The following PDGFD variants were observed in gnomAD, a reference collection of about 807,000 sequenced individuals.
PDGFD encodes the protein platelet derived growth factor D, also known as platelet-derived growth factor D.
In PDGFD, 30 loss-of-function variants were observed where a neutral mutation model predicts 44.7. That is an observed-to-expected ratio of 0.67 (90% CI 0.50 to 0.91). The LOEUF is 0.91. Ranked by LOEUF, PDGFD falls within the 40% of genes least tolerant of loss-of-function variation. The pLI is 0.00. For synonymous variants in PDGFD, 173 were observed against 168.4 expected (o/e 1.03, Z -0.21); for missense variants, 445 against 457.8 (o/e 0.97, Z 0.25).
chr11:104,130,839 C>T (rs1426342210), intron 1 of PDGFD, among the ~76,000 whole-genome samples: 3 of 152,154 alleles, frequency 2.0e-5, no homozygotes, highest in Non-Finnish European at 4.4e-5. Context: ...TTCTAACCTT[C>T]TGATACTTTT....
chr11:104,053,575 CTATT>C lies in PDGFD; in HGVS notation c.125-53324_125-53321del, dbSNP rs374371832. Among the ~76,000 whole-genome samples the C allele has an allele frequency of 4.6e-3, 703 of 152,248 alleles. 5 individuals carry two copies. Among genetic ancestry groups the C allele is most frequent in the Middle Eastern group, 0.041 (12 of 294 alleles). ...GTAATAACTATAAATTGCAGATAAA[CTATT>C]TATATTCTTTAATGTAATTGCAGTC... is the stretch of plus-strand genomic sequence containing the variant. On this transcript the variant is annotated intron_variant, in intron 1 of 6. Transcript: ENST00000393158.
At chr11:104,120,660 AT>A (rs1861765702) in intron 1 of PDGFD, among the ~76,000 whole-genome samples, 1 of 151,750 alleles carries the variant, frequency 6.6e-6, no homozygotes, top group Non-Finnish European at 1.5e-5. Flanking sequence ...ATATCTTCCC[AT>A]TCTGTTTCTT....
chr11:104,158,780 C>T (rs374014770), intron 1 of PDGFD, among the ~76,000 whole-genome samples: 3 of 151,542 alleles, frequency 2.0e-5, no homozygotes, highest in Admixed American at 6.6e-5. Flanking sequence ...TTCAGTTAGC[C>T]GAGATCTCGC....
At chr11:104,148,953 G>A (rs1386776704) in intron 1 of PDGFD, among the ~76,000 whole-genome samples, 2 of 152,020 alleles carry the variant, frequency 1.3e-5, no homozygotes, top group East Asian at 3.9e-4. Flanking sequence ...GCATTCCATG[G>A]TGTATATGTA....
chr11:103,927,005 G>A lies in PDGFD; in HGVS notation c.894C>T (p.Leu298=), dbSNP rs541134212. Residue 298 remains leucine (L), a synonymous_variant, in exon 6 of 7, where the codon CTC becomes CTT. Coordinates refer to ENST00000393158, the MANE Select transcript of PDGFD (RefSeq NM_025208.5). ...ANVVFFPRCL[L]VQRCGGNCGC... is the part of the protein sequence containing the mutation. ...CACAATTTCCTCCACAGCGCTGCAC[G>A]AGGAGGCAACGTGGAAAGAAGACCA... 48 of 1,614,172 alleles carry A rather than the reference G, an allele frequency of 3.0e-5. No homozygotes were observed. The highest frequency in any genetic ancestry group is 2.5e-4 in the South Asian group (23 of 91,086).
At chr11:103,966,991 C>T (rs1390839175) in intron 3 of PDGFD, among the ~76,000 whole-genome samples, 1 of 152,126 alleles carries the variant, frequency 6.6e-6, no homozygotes, top group Non-Finnish European at 1.5e-5. Context: ...GGGCGGGGTG[C>T]CTCTCTTCTG....
At chr11:104,154,864 C>A (rs186281604) in intron 1 of PDGFD, among the ~76,000 whole-genome samples, 34 of 152,222 alleles carry the variant, frequency 2.2e-4, no homozygotes, top group Non-Finnish European at 3.1e-4. Context: ...GTAACAGAGA[C>A]CATATGGCCT....
intron 1 of PDGFD, among the ~76,000 whole-genome samples, chr11:104,109,148 T>C (rs576082637): frequency 5.3e-5 from 8 of 151,894 alleles, no homozygotes; most frequent in Non-Finnish European, 1.2e-4. Flanking sequence ...CATGTATACA[T>C]ATGTAACAAA....
intron 1 of PDGFD, among the ~76,000 whole-genome samples, chr11:104,123,733 G>C (rs555304143): frequency 2.4e-4 from 36 of 152,130 alleles, no homozygotes; most frequent in Non-Finnish European, 4.9e-4. Context: ...AATGTCCTTT[G>C]TTCTGGACAT....
At chr11:104,161,699 T>C (rs1361395379) in intron 1 of PDGFD, among the ~76,000 whole-genome samples, 1 of 152,200 alleles carries the variant, frequency 6.6e-6, no homozygotes, top group Non-Finnish European at 1.5e-5. Flanking sequence ...TCTAAGATTG[T>C]GTTCACCCTC....
intron 6 of PDGFD, among the ~76,000 whole-genome samples, chr11:103,916,326 CAT>C (rs144274259): frequency 0.46 from 69,424 of 151,796 alleles, 15,948 homozygotes; most frequent in South Asian, 0.49. Context: ...AGCCAACAAA[CAT>C]ATGAAAAAAA....
At chr11:103,972,799 G>C (rs536229268) in intron 3 of PDGFD, among the ~76,000 whole-genome samples, 12 of 152,266 alleles carry the variant, frequency 7.9e-5, no homozygotes, top group South Asian at 2.1e-4. Context: ...TCATTTTACA[G>C]GCTACAACGT....
At chr11:104,000,588 A>G (rs1859605567) in intron 1 of PDGFD, among the ~76,000 whole-genome samples, 1 of 151,392 alleles carries the variant, frequency 6.6e-6, no homozygotes, top group Non-Finnish European at 1.5e-5. Flanking sequence ...TCTATTAAAC[A>G]AACAACACAT....
At chr11:103,998,336 G>C (rs1479153849) in intron 2 of PDGFD, among the ~76,000 whole-genome samples, 8 of 152,194 alleles carry the variant, frequency 5.3e-5, no homozygotes, top group Admixed American at 2.0e-4. Context: ...GACATGATTA[G>C]AGAGTTGTAA....
intron 1 of PDGFD, among the ~76,000 whole-genome samples, chr11:104,084,680 T>A (rs1357258980): frequency 7.1e-6 from 1 of 140,356 alleles, no homozygotes; most frequent in Admixed American, 7.2e-5. Context: ...TATGATAAAA[T>A]AATTATATAG....
At chr11:104,000,392 A>C in intron 1 of PDGFD, 137 bp from the exon 2 acceptor site, 1 of 736,942 alleles carries the variant, frequency 1.4e-6, no homozygotes. Flanking sequence ...CTAAATGCAA[A>C]TAAACAAACT....
intron 3 of PDGFD, among the ~76,000 whole-genome samples, chr11:103,978,719 TG>T (rs1859218922): frequency 6.6e-6 from 1 of 152,112 alleles, no homozygotes; most frequent in Admixed American, 6.6e-5. Context: ...ATAGCTGAAC[TG>T]AAAATTTAAT....
intron 1 of PDGFD, among the ~76,000 whole-genome samples, chr11:104,104,856 T>A (rs946798538): frequency 1.3e-5 from 2 of 152,132 alleles, no homozygotes; most frequent in African/African-American, 4.8e-5. Context: ...ACAACTACCT[T>A]GTGAAACAGC....
chr11:104,155,090 AC>A (rs1862289206), intron 1 of PDGFD, among the ~76,000 whole-genome samples: 1 of 152,220 alleles, frequency 6.6e-6, no homozygotes, highest in Non-Finnish European at 1.5e-5. Context: ...CTTGACTAAC[AC>A]AAATCTATCA....
Sources: allele counts gnomAD v4.1 joint callset (sites outside exome capture counted in the v4.1 genomes callset), GRCh38; gene constraint gnomAD v4.1.1; transcripts MANE v1.5; gene names NCBI Gene and HGNC (gene_info 2026-07-23, HGNC 2026-07-21).